Variants in IL17RD observed in about 807,000 individuals in gnomAD.
IL17RD encodes the protein interleukin-17 receptor D.
Under a neutral mutation model 80.5 loss-of-function variants are expected in IL17RD, and 52 were observed. The observed-to-expected ratio is 0.65, with a 90% CI of 0.52 to 0.81. The LOEUF (loss-of-function observed/expected upper bound fraction) is 0.81. Among genes scored for constraint, IL17RD ranks in the 40% least tolerant of loss-of-function variants. The pLI is 0.00. For missense variants in IL17RD, 1,024 were observed against 955.1 expected, an observed-to-expected ratio of 1.07 and a Z score of -0.95; for synonymous variants, 416 against 391.8, an observed-to-expected ratio of 1.06 and a Z score of -0.73.
At chr3:57,097,382 C>T in intron 12 of IL17RD, 1 of 589,590 alleles carries the variant, frequency 1.7e-6, no homozygotes, top group Non-Finnish European at 3.0e-6. Flanking sequence ...AGGGTCTGGG[C>T]AGCTCACTAT....
In IL17RD at chr3:57,104,995, T is replaced by C. The variant is rs115961019; in HGVS notation, c.748-588A>G. 9.7e-3 allele frequency among the ~76,000 whole-genome samples: 1,471 copies of C among 152,260 alleles called. 14 individuals carry two copies. Among genetic ancestry groups the C allele is most frequent in the African/African-American group, 0.034 (1,410 of 41,536 alleles). ...CCAGTTTAAAGGCTGGGTTACTTAG[T>C]TTCTATTTAACCTTGGCCTATTTGT... On this transcript the variant is annotated intron_variant, in intron 7 of 12. Coordinates refer to ENST00000296318, the MANE Select transcript of IL17RD (RefSeq NM_017563.5).
chr3:57,157,171 T>C (rs1337664021), intron 1 of IL17RD, among the ~76,000 whole-genome samples: 1 of 152,038 alleles, frequency 6.6e-6, no homozygotes, highest in Non-Finnish European at 1.5e-5. Flanking sequence ...AACTGAGACA[T>C]GGGCTAAAAA....
At chr3:57,154,260 T>TTATATATA (rs751847693) in intron 1 of IL17RD, among the ~76,000 whole-genome samples, 22 of 128,598 alleles carry the variant, frequency 1.7e-4, no homozygotes, top group African/African-American at 4.6e-4. Context: ...AAAAAAAAAA[T>TTATATATA]TATATATATA....
At chr3:57,101,507 T>C in intron 10 of IL17RD, 144 bp from the exon 11 acceptor site, 1 of 564,780 alleles carries the variant, frequency 1.8e-6, no homozygotes, top group South Asian at 2.6e-5. Flanking sequence ...CCCCCTCTGA[T>C]CATCACTTGG....
At chr3:57,130,778 A>G (rs1707590306) in intron 1 of IL17RD, among the ~76,000 whole-genome samples, 1 of 152,196 alleles carries the variant, frequency 6.6e-6, no homozygotes, top group Non-Finnish European at 1.5e-5. Context: ...AGATGCAGTC[A>G]GGGTTTCTGA....
In IL17RD at chr3:57,133,942, T is replaced by C. The variant is rs578041745; in HGVS notation, c.127-13629A>G. ...TTCCCATGGAGAAATGTTTACAAAA[T>C]CAAAGTAATATGGTGAAATTAAATT... On this transcript the variant is annotated intron_variant, in intron 1 of 12. Coordinates refer to ENST00000296318, the MANE Select transcript of IL17RD (RefSeq NM_017563.5). 2.0e-5 allele frequency among the ~76,000 whole-genome samples: 3 copies of C among 152,310 alleles called. No individual in the cohort carries two copies. In the South Asian group the frequency reaches 6.2e-4, roughly 32 times the overall value.
At chr3:57,163,850 T>C (rs1392574276) in intron 1 of IL17RD, among the ~76,000 whole-genome samples, 1 of 141,642 alleles carries the variant, frequency 7.1e-6, no homozygotes, top group Non-Finnish European at 1.5e-5. Flanking sequence ...GCCGTCTCCA[T>C]AGCTTAGCTA....
intron 11 of IL17RD, among the ~76,000 whole-genome samples, chr3:57,098,805 G>A (rs1706761380): frequency 6.6e-6 from 1 of 152,234 alleles, no homozygotes; most frequent in African/African-American, 2.4e-5. Flanking sequence ...TGCCCTACAA[G>A]TGAGGGGACA....
chr3:57,165,919 G>C (rs931060775), upstream of IL17RD, among the ~76,000 whole-genome samples: 1 of 152,042 alleles, frequency 6.6e-6, no homozygotes, highest in Non-Finnish European at 1.5e-5. Flanking sequence ...CCTAGTCTGG[G>C]GAGAGTTCTG....
At chr3:57,137,451 G>A (rs922701896) in intron 1 of IL17RD, among the ~76,000 whole-genome samples, 1 of 152,202 alleles carries the variant, frequency 6.6e-6, no homozygotes, top group African/African-American at 2.4e-5. Flanking sequence ...AATGGGGTAG[G>A]TGGGGAGATG....
Position 57,141,902 on chromosome 3 carries a change from GTTATCTGA to G in IL17RD, c.127-21597_127-21590del, listed in dbSNP as rs559549713. Among the ~76,000 whole-genome samples the G allele has an allele frequency of 1.3e-3, 193 of 152,286 alleles. 2 individuals are homozygous for G. Among genetic ancestry groups the G allele is most frequent in the Admixed American group, 0.012 (189 of 15,294 alleles). On this transcript the variant is annotated intron_variant, in intron 1 of 12. Transcript: ENST00000296318. ...CTTGGGCTCTCAGATCTGGAACACTGTTATCTGATTGTATCTGCACGGTTTTCACCAGA... is the reference window on the plus strand; with the variant it reads ...CTTGGGCTCTCAGATCTGGAACACTGTTGTATCTGCACGGTTTTCACCAGA...
upstream of IL17RD, among the ~76,000 whole-genome samples, chr3:57,166,028 A>G (rs1431303788): frequency 6.6e-6 from 1 of 152,236 alleles, no homozygotes; most frequent in African/African-American, 2.4e-5. Context: ...CTGAGATCCA[A>G]TCCAGACCTG....
intron 3 of IL17RD, among the ~76,000 whole-genome samples, chr3:57,110,994 G>A (rs1253410448): frequency 1.3e-5 from 2 of 152,144 alleles, no homozygotes; most frequent in Non-Finnish European, 2.9e-5. Context: ...CCTGCCACCT[G>A]AGCTCCCCCC....
At chr3:57,146,029 TCACGCG>T (rs150824680) in intron 1 of IL17RD, among the ~76,000 whole-genome samples, 1 of 136,414 alleles carries the variant, frequency 7.3e-6, no homozygotes, top group African/African-American at 2.9e-5. Context: ...ACACACACAC[TCACGCG>T]CGCGCGCGCG....
chr3:57,137,333 T>TG (rs1476705391), intron 1 of IL17RD, among the ~76,000 whole-genome samples: 2 of 152,196 alleles, frequency 1.3e-5, no homozygotes, highest in Admixed American at 1.3e-4. Flanking sequence ...TGGTACATCT[T>TG]GGAGACAGGC....
At chr3:57,134,165 C>G (rs1372695193) in intron 1 of IL17RD, 1 of 655,710 alleles carries the variant, frequency 1.5e-6, no homozygotes, top group Non-Finnish European at 2.9e-6. Flanking sequence ...AGATGAGGCT[C>G]GCCTTTAGTG....
chr3:57,149,860 A>C (rs891435619), intron 1 of IL17RD, among the ~76,000 whole-genome samples: 1 of 152,196 alleles, frequency 6.6e-6, no homozygotes, highest in Non-Finnish European at 1.5e-5. Flanking sequence ...CTCAACTGAC[A>C]CCTAGATAAC....
chr3:57,097,292 A>G (rs997417951), intron 12 of IL17RD, among the ~76,000 whole-genome samples: 5 of 152,320 alleles, frequency 3.3e-5, no homozygotes, highest in Non-Finnish European at 5.9e-5. Context: ...TTGGGGCCCA[A>G]TGTGTTTTCG....
chr3:57,166,536 C>G (rs1297227663), upstream of IL17RD, among the ~76,000 whole-genome samples: 1 of 106,776 alleles, frequency 9.4e-6, no homozygotes. Context: ...AACAAACAAA[C>G]CTACCACCAC....
Sources: gnomAD v4.1 joint callset for allele counts (sites outside exome capture counted in the v4.1 genomes callset) on GRCh38, gnomAD v4.1.1 for gene constraint, MANE v1.5 for transcripts, NCBI Gene and HGNC (gene_info 2026-07-23, HGNC 2026-07-21) for gene names.